Variants in RAN observed in about 807,000 individuals in gnomAD.
RAN encodes RAN, member RAS oncogene family.
Under a neutral mutation model 26.8 loss-of-function variants are expected in RAN, and 2 were observed. That is an observed-to-expected ratio of 0.07 (90% CI 0.03 to 0.23). RAN has a LOEUF of 0.23. RAN is among the 10% of genes least tolerant of loss of function. The pLI is 1.00. For missense variants in RAN, 56 were observed against 264.8 expected (o/e 0.21, Z 5.47); for synonymous variants, 132 against 95.9 (o/e 1.38, Z -2.20).
intron 4 of RAN, chr12:130,874,072 C>T: frequency 2.9e-6 from 1 of 350,268 alleles, no homozygotes; most frequent in Non-Finnish European, 5.9e-6. Flanking sequence ...TGGTCTGGAA[C>T]TCATGAGCTC....
Position 130,874,540 on chromosome 12 carries a change from C to T in RAN, c.248-6C>T, listed in dbSNP as rs918517603. ...AGTGTACTAATTCCCACAAATGTTT[C>T]TTCAGCCCAGTGTGCCATCATAATG... On this transcript the variant is annotated splice_region_variant and splice_polypyrimidine_tract_variant and intron_variant, in intron 4 of 6. Transcript: ENST00000543796. 4 of 1,566,006 alleles carry T rather than the reference C, an allele frequency of 2.6e-6. No homozygotes were observed. Among genetic ancestry groups the T allele is most frequent in the East Asian group, 2.2e-5 (1 of 44,548 alleles).
In RAN at chr12:130,876,293, C is replaced by T; in HGVS notation, c.*367C>T. On this transcript the variant is annotated 3_prime_UTR_variant, in exon 7 of 7. Coordinates refer to ENST00000543796, the MANE Select transcript of RAN (RefSeq NM_006325.5). ...TTTCAAATATCTAAGCAAGTGAACT[C>T]ATCCCTTGTTTATAAATAGCATTTG... 1 of 198,994 alleles carries T rather than the reference C, an allele frequency of 5.0e-6. No homozygotes were observed. The highest frequency in any genetic ancestry group is 1.0e-5 in the Non-Finnish European group (1 of 98,128). 12.3% of individuals were successfully genotyped at this position (198,994 alleles called of 1,614,324 possible).
rs1424013828 is a variant in RAN at position 130,876,699 on chromosome 12, A to C, written c.*773A>C. ...TAATCATGTTTTAATGTAGAACCTCAAACAGGATGGAACATCAGTGGATGG... is the reference window on the plus strand; with the variant it reads ...TAATCATGTTTTAATGTAGAACCTCCAACAGGATGGAACATCAGTGGATGG... On this transcript the variant is annotated 3_prime_UTR_variant, in exon 7 of 7. Coordinates refer to ENST00000543796, the MANE Select transcript of RAN (RefSeq NM_006325.5). 6.6e-6 allele frequency: 1 copy of C among 152,226 alleles called. No homozygotes were observed. The highest frequency in any genetic ancestry group is 1.5e-5 in the Non-Finnish European group (1 of 68,046). 9.4% of individuals were successfully genotyped at this position (152,226 alleles called of 1,614,324 possible). A position where few individuals can be genotyped will look rare whatever the true frequency, so the allele number is the denominator to read the frequency against.
intron 1 of RAN, 119 bp from the exon 2 acceptor site, chr12:130,872,465 G>T (rs902876193): frequency 1.7e-6 from 1 of 597,036 alleles, no homozygotes; most frequent in Non-Finnish European, 2.3e-6. Context: ...TGGCCGCCAT[G>T]GCGCCGCGGG....
rs759059058 is a variant in RAN at position 130,873,127 on chromosome 12, A to G, written c.246A>G (p.Gln82=). 3 of 1,614,066 alleles carry G rather than the reference A, an allele frequency of 1.9e-6. No homozygotes were observed. The African/African-American group carries it at 4.0e-5, about 22-fold the overall frequency. The change falls in exon 4 of 7, where the codon CAA becomes CAG. Residue 82 remains glutamine, a splice_region_variant and synonymous_variant. Transcript: ENST00000543796. ...GACTGAGAGATGGCTATTATATCCA[A>G]GGTAGGCATTTGTAACTTGCTGAAC... ...FGGLRDGYYI[Q]AQCAIIMFDV...
At chr12:130,873,307 G>A (rs1384144126) in intron 4 of RAN, 179 bp downstream of exon 4, 9 of 740,140 alleles carry the variant, frequency 1.2e-5, no homozygotes, top group East Asian at 1.1e-4. Flanking sequence ...TTAAAGTTGT[G>A]TCATTTGCAT....
At chr12:130,874,114 G>T in intron 4 of RAN, 1 of 266,860 alleles carries the variant, frequency 3.7e-6, no homozygotes, top group Non-Finnish European at 7.8e-6. Context: ...CTCTCAAAGT[G>T]CTGGGATTAC....
rs1953244590 is a variant in RAN at position 130,876,549 on chromosome 12, A to G, written c.*623A>G. 6.6e-6 allele frequency: 1 copy of G among 152,570 alleles called. No homozygotes were observed. The highest frequency in any genetic ancestry group is 6.5e-5 in the Admixed American group (1 of 15,286). The allele number at this position is 152,570 out of a possible 1,614,324, so 9.5% of individuals were successfully genotyped here. A position where few individuals can be genotyped will look rare whatever the true frequency, so the allele number is the denominator to read the frequency against. ...CTAAAGCAGTGTTTGCTCCACCTTC[A>G]TATTGGCTAGGTAGGGTCACCTAGG... On this transcript the variant is annotated 3_prime_UTR_variant, in exon 7 of 7. Transcript: ENST00000543796.
At chr12:130,875,404 A>T (rs1953220424) in intron 5 of RAN, among the ~76,000 whole-genome samples, 1 of 151,446 alleles carries the variant, frequency 6.6e-6, no homozygotes. Flanking sequence ...TTTTTTGTGG[A>T]GTTGGGGTCT....
Position 130,876,813 on chromosome 12 carries a change from C to A in RAN, c.*887C>A, listed in dbSNP as rs774209743. ...TTAGATGCTTAGTGTGAAGTTGATACGCAAGGAAAATGGTCCATGTTTACC... is the reference window on the plus strand; with the variant it reads ...TTAGATGCTTAGTGTGAAGTTGATAAGCAAGGAAAATGGTCCATGTTTACC... On this transcript the variant is annotated 3_prime_UTR_variant, in exon 7 of 7. Coordinates refer to ENST00000543796, the MANE Select transcript of RAN (RefSeq NM_006325.5). 6.6e-6 allele frequency: 1 copy of A among 152,140 alleles called. No individual in the cohort carries two copies. Among genetic ancestry groups the A allele is most frequent in the Non-Finnish European group, 1.5e-5 (1 of 68,014 alleles). The allele number at this position is 152,140 out of a possible 1,614,324, so 9.4% of individuals were successfully genotyped here.
intron 1 of RAN, 38 bp downstream of exon 1, chr12:130,872,164 G>A (rs1004715076): frequency 1.2e-4 from 23 of 184,862 alleles, no homozygotes; most frequent in African/African-American, 5.3e-4. Flanking sequence ...GCCGGGCGGG[G>A]ACAGGGGTGG....
In RAN at chr12:130,876,069, G is replaced by A. The variant is rs1593221615; in HGVS notation, c.*143G>A. ...ATCTGTGGGATGCTGAAGGAGATGA[G>A]TGGGCTTCGGAGTGAATGTGGCAGT... On this transcript the variant is annotated 3_prime_UTR_variant, in exon 7 of 7. Transcript: ENST00000543796. The A allele has an allele frequency of 1.2e-6, 1 of 832,528 alleles. No homozygotes were observed. The highest frequency in any genetic ancestry group is 1.6e-5 in the South Asian group (1 of 62,028). 51.6% of individuals were successfully genotyped at this position (832,528 alleles called of 1,614,324 possible).
Position 130,876,112 on chromosome 12 carries a change from T to C in RAN, c.*186T>C, listed in dbSNP as rs2136404181. 1 of 634,194 alleles carries C rather than the reference T, an allele frequency of 1.6e-6. No homozygotes were observed. The highest frequency in any genetic ancestry group is 2.0e-5 in the South Asian group (1 of 50,378). 39.3% of individuals were successfully genotyped at this position (634,194 alleles called of 1,614,324 possible). Reference sequence around the variant, plus strand: ...GTGGCAGTTTAAAAAATAACTTCATTGTTTGGACCTGCATATTTAGCTGTT... The same window carrying C: ...GTGGCAGTTTAAAAAATAACTTCATCGTTTGGACCTGCATATTTAGCTGTT... On this transcript the variant is annotated 3_prime_UTR_variant, in exon 7 of 7. Transcript: ENST00000543796.
At chr12:130,873,180 G>A (rs762033744) in intron 4 of RAN, 52 bp downstream of exon 4, 1 of 1,608,896 alleles carries the variant, frequency 6.2e-7, no homozygotes, top group Admixed American at 1.7e-5. Flanking sequence ...GTGTACTTCA[G>A]TCTTCAAGGT....
At position 130,876,147 on chromosome 12, in the gene RAN, A is replaced by G; in HGVS notation, c.*221A>G. 1.7e-6 allele frequency: 1 copy of G among 577,480 alleles called. No individual in the cohort carries two copies. The highest frequency in any genetic ancestry group is 2.9e-5 in the East Asian group (1 of 34,640). 35.8% of individuals were successfully genotyped at this position (577,480 alleles called of 1,614,324 possible). ...TGCATATTTAGCTGTTTTGGAACGC[A>G]GTTGATTCCTTGAGTTTCATATATA... is the stretch of plus-strand genomic sequence containing the variant. On this transcript the variant is annotated 3_prime_UTR_variant, in exon 7 of 7. Coordinates refer to ENST00000543796, the MANE Select transcript of RAN (RefSeq NM_006325.5).
At chr12:130,872,784 T>G in intron 2 of RAN, 52 bp from the exon 3 acceptor site, 1 of 1,599,232 alleles carries the variant, frequency 6.3e-7, no homozygotes, top group Non-Finnish European at 8.6e-7. Context: ...GACTCTGGGA[T>G]CTTGAGAGGT....
At chr12:130,875,027 T>C (rs186612530) in intron 5 of RAN, among the ~76,000 whole-genome samples, 1 of 152,256 alleles carries the variant, frequency 6.6e-6, no homozygotes, top group East Asian at 1.9e-4. Context: ...GTTTCCACCA[T>C]GTTGGTCAGG....
chr12:130,876,390 A>G lies in RAN; in HGVS notation c.*464A>G, dbSNP rs2136404529. ...TGCCTTGCTTTTATCACTTAATTTG[A>G]AATCTATTGGGTTAATTTCTCCCTA... On this transcript the variant is annotated 3_prime_UTR_variant, in exon 7 of 7. Transcript: ENST00000543796. 2 of 167,758 alleles carry G rather than the reference A, an allele frequency of 1.2e-5. No homozygotes were observed. Among genetic ancestry groups the G allele is most frequent in the South Asian group, 3.0e-4 (2 of 6,620 alleles). The allele number at this position is 167,758 out of a possible 1,614,324, so 10.4% of individuals were successfully genotyped here. A position where few individuals can be genotyped will look rare whatever the true frequency, so the allele number is the denominator to read the frequency against.
rs900531794 is a variant in RAN, at chr12:130,872,134, G to A, written c.-11+8G>A. The A allele has an allele frequency of 4.5e-5, 11 of 241,946 alleles. No individual in the cohort carries two copies. The highest frequency in any genetic ancestry group is 2.3e-4 in the African/African-American group (10 of 42,634). 15.0% of individuals were successfully genotyped at this position (241,946 alleles called of 1,614,324 possible). On this transcript the variant is annotated splice_region_variant and intron_variant, in intron 1 of 6. Transcript: ENST00000543796. ...CGGAGACGCTTCTGGAAGGTATCGCGACCCGGCGGGCCCGGCACGGCCGGG... is the reference window on the plus strand; with the variant it reads ...CGGAGACGCTTCTGGAAGGTATCGCAACCCGGCGGGCCCGGCACGGCCGGG...
Sources: gnomAD v4.1 joint callset for allele counts (sites outside exome capture counted in the v4.1 genomes callset) on GRCh38, gnomAD v4.1.1 for gene constraint, MANE v1.5 for transcripts, NCBI Gene and HGNC (gene_info 2026-07-23, HGNC 2026-07-21) for gene names.